Variants in RRM2 observed in about 807,000 individuals in gnomAD.
The protein encoded by RRM2 is ribonucleotide reductase regulatory subunit M2, also known as ribonucleoside-diphosphate reductase subunit M2.
A neutral mutation model predicts 45.9 loss-of-function variants in RRM2; 6 were observed. The ratio of observed to expected loss-of-function variants is 0.13; its 90% CI spans 0.07 to 0.26. The LOEUF is 0.26. Among genes scored for constraint, RRM2 ranks in the 10% least tolerant of loss-of-function variants. RRM2 has a pLI of 1.00. For missense variants in RRM2, 343 were observed against 489.5 expected, an observed-to-expected ratio of 0.70 and a Z score of 2.82; for synonymous variants, 177 against 173.0, an observed-to-expected ratio of 1.02 and a Z score of -0.18.
In RRM2 at chr2:10,123,718, G is replaced by T. The variant is rs373196837; in HGVS notation, c.319-18G>T. Reference sequence around the variant, plus strand: ...ACTCTCTTCCTTTTATGCTAAAATTGTGACTTCCGAACCTCAGGTGGACCT... The same window carrying T: ...ACTCTCTTCCTTTTATGCTAAAATTTTGACTTCCGAACCTCAGGTGGACCT... On this transcript the variant is annotated intron_variant, in intron 3 of 9. Transcript: ENST00000304567. 3 of 1,509,178 alleles carry T rather than the reference G, an allele frequency of 2.0e-6. No homozygotes were observed. Among genetic ancestry groups the T allele is most frequent in the African/African-American group, 1.4e-5 (1 of 72,314 alleles). 93.5% of individuals were successfully genotyped at this position (1,509,178 alleles called of 1,614,324 possible). A position where few individuals can be genotyped will look rare whatever the true frequency, so the allele number is the denominator to read the frequency against.
chr2:10,143,730 C>T (rs1663134362), intron 3 of RRM2, among the ~76,000 whole-genome samples: 4 of 152,156 alleles, frequency 2.6e-5, no homozygotes, highest in Middle Eastern at 3.4e-3. Context: ...TACAGTGGTA[C>T]GATCTTGGCT....
At chr2:10,200,430 C>G (rs55908106) in intron 3 of RRM2, among the ~76,000 whole-genome samples, 1 of 125,122 alleles carries the variant, frequency 8.0e-6, no homozygotes, top group African/African-American at 2.9e-5. Flanking sequence ...CCACAGGGAC[C>G]GCGCGCGCAA....
At chr2:10,137,030 C>A (rs912180852), upstream of RRM2, among the ~76,000 whole-genome samples, 17 of 152,202 alleles carry the variant, frequency 1.1e-4, no homozygotes, top group African/African-American at 4.1e-4. Context: ...AGTCCACATC[C>A]CAGATGTTTC....
chr2:10,203,754 A>AAAAT (rs1205474201), intron 3 of RRM2, among the ~76,000 whole-genome samples: 363 of 125,200 alleles, frequency 2.9e-3, no homozygotes, highest in African/African-American at 6.6e-3. Flanking sequence ...CTGTCTCACA[A>AAAAT]AAATAAATAC....
rs1333897636 is a variant in RRM2, at chr2:10,172,245, C to G, written n.482+29870C>G. ...TGGGTGCTGAGGCCCACCTGTCTGGCGAGGGTCTGGGGGAGGTCGGATGAG... is the reference window on the plus strand; with the variant it reads ...TGGGTGCTGAGGCCCACCTGTCTGGGGAGGGTCTGGGGGAGGTCGGATGAG... On this transcript the variant is annotated intron_variant and non_coding_transcript_variant, in intron 3 of 3. Transcript: ENST00000381786. The surrounding 1 kb of genome is among the most constrained non-coding windows in gnomAD (Gnocchi z 4.9). Among the ~76,000 whole-genome samples, 1 of 152,012 alleles carries G rather than the reference C, an allele frequency of 6.6e-6. No individual in the cohort carries two copies. The highest frequency in any genetic ancestry group is 1.5e-5 in the Non-Finnish European group (1 of 68,014).
At position 10,123,403 on chromosome 2, in the gene RRM2, C is replaced by A. The variant is rs1662711348; in HGVS notation, c.191C>A (p.Ala64Asp). 4 of 1,603,300 alleles carry A rather than the reference C, an allele frequency of 2.5e-6. No individual in the cohort carries two copies. The highest frequency in any genetic ancestry group is 3.4e-6 in the Non-Finnish European group (4 of 1,176,892). The change falls in exon 3 of 10, where the codon GCC becomes GAC. Residue 64 changes from alanine to aspartate, a missense_variant. Transcript: ENST00000304567. Reference sequence around the variant, plus strand: ...CCCCAACAGAAAACTAAAGCAGCTGCCCCCGGCGTGGAGGATGAGCCGCTG... The same window carrying A: ...CCCCAACAGAAAACTAAAGCAGCTGACCCCGGCGTGGAGGATGAGCCGCTG... ...EPTEPKTKAA[A>D]PGVEDEPLLR... is the part of the protein sequence containing the mutation.
chr2:10,141,035 C>A (rs544295608), upstream of RRM2, among the ~76,000 whole-genome samples: 1 of 152,162 alleles, frequency 6.6e-6, no homozygotes, highest in African/African-American at 2.4e-5. Context: ...TGCATCTCGC[C>A]CACGTCGCTG....
chr2:10,148,323 CTCTTGCTGAAGTTT>C (rs1572501927), intron 3 of RRM2, among the ~76,000 whole-genome samples: 1 of 151,922 alleles, frequency 6.6e-6, no homozygotes, highest in East Asian at 1.9e-4. Context: ...ACTGTCAGTT[CTCTTGCTGAAGTTT>C]TCCTATTTTT....
intron 3 of RRM2, among the ~76,000 whole-genome samples, chr2:10,177,710 T>TTCCTCCCTCC (rs1553326755): frequency 1.5e-4 from 18 of 116,586 alleles, no homozygotes; most frequent in African/African-American, 5.8e-4. Context: ...TTCCTTCCTC[T>TTCCTCCCTCC]CTCCCTCCCT....
chr2:10,174,437 C>T (rs1003186), intron 3 of RRM2, among the ~76,000 whole-genome samples: 87,201 of 151,866 alleles, frequency 0.57, 26,731 homozygotes, highest in Non-Finnish European at 0.69. Flanking sequence ...TGAAGCTCTC[C>T]CAGCTCTGTG....
chr2:10,163,245 G>T (rs914992405), intron 3 of RRM2, among the ~76,000 whole-genome samples: 1 of 151,956 alleles, frequency 6.6e-6, no homozygotes, highest in Non-Finnish European at 1.5e-5. Context: ...TGCAGGGAGA[G>T]GGGGAGCGAG....
intron 3 of RRM2, among the ~76,000 whole-genome samples, chr2:10,200,082 G>C (rs1052633617): frequency 6.6e-5 from 10 of 152,114 alleles, no homozygotes; most frequent in Admixed American, 6.6e-4. Context: ...ATCCACCCAT[G>C]TCAGCCTCCC....
chr2:10,161,090 C>A (rs1045385707), intron 3 of RRM2, among the ~76,000 whole-genome samples: 1 of 152,188 alleles, frequency 6.6e-6, no homozygotes, highest in Non-Finnish European at 1.5e-5. Flanking sequence ...TTTTTTGACA[C>A]AGGGTCTCGC....
At chr2:10,190,435 G>GTGA (rs55714483) in intron 3 of RRM2, among the ~76,000 whole-genome samples, 99,372 of 123,646 alleles carry the variant, frequency 0.8, 40,484 homozygotes, top group East Asian at 0.98. Context: ...GGTGATGAGT[G>GTGA]TGATGATGAT....
In RRM2 at chr2:10,171,186, C is replaced by T. The variant is rs1663799350; in HGVS notation, n.482+28811C>T. ...CAACGTGTGGTGTGGAGGCCATACC[C>T]CTCCTCTGCTGGCTGGCAGCTTGGC... On this transcript the variant is annotated intron_variant and non_coding_transcript_variant, in intron 3 of 3. Coordinates refer to the RRM2 transcript ENST00000381786. The surrounding 1 kb of genome is among the most constrained non-coding windows in gnomAD (Gnocchi z 4.1). Among the ~76,000 whole-genome samples the T allele has an allele frequency of 6.6e-6, 1 of 152,248 alleles. No homozygotes were observed. Among genetic ancestry groups the T allele is most frequent in the Non-Finnish European group, 1.5e-5 (1 of 68,032 alleles).
chr2:10,147,172 T>C (rs1663203768), intron 3 of RRM2, among the ~76,000 whole-genome samples: 1 of 152,128 alleles, frequency 6.6e-6, no homozygotes, highest in Admixed American at 6.6e-5. Flanking sequence ...AGGATGGACT[T>C]GATCTCTCGA....
intron 3 of RRM2, among the ~76,000 whole-genome samples, chr2:10,208,912 C>T (rs1664708264): frequency 6.6e-6 from 1 of 152,140 alleles, no homozygotes; most frequent in African/African-American, 2.4e-5. Flanking sequence ...TGCTAACTCC[C>T]TCCCACCTCT....
chr2:10,142,589 C>G (rs1297735973), intron 3 of RRM2, among the ~76,000 whole-genome samples: 1 of 152,078 alleles, frequency 6.6e-6, no homozygotes, highest in Non-Finnish European at 1.5e-5. Context: ...ATGCCCCAGA[C>G]AGCACGGTCC....
intron 3 of RRM2, chr2:10,145,949 C>T (rs568818012): frequency 1.3e-5 from 2 of 152,408 alleles, no homozygotes; most frequent in South Asian, 2.1e-4. Context: ...GCCCCCACCC[C>T]CTGGGTCTCG....
Sources: allele counts gnomAD v4.1 joint callset (sites outside exome capture counted in the v4.1 genomes callset), GRCh38; gene constraint gnomAD v4.1.1; non-coding constraint Gnocchi (gnomAD v3.1); transcripts MANE v1.5; gene names NCBI Gene and HGNC (gene_info 2026-07-23, HGNC 2026-07-21).